Variants in FKBP15 observed in about 807,000 individuals in gnomAD.
FKBP15 encodes FKBP prolyl isomerase family member 15, also known as FK506-binding protein 15.
In FKBP15, 106 loss-of-function variants were observed where a neutral mutation model predicts 158.1. The observed-to-expected ratio is 0.67, with a 90% CI of 0.57 to 0.79. The LOEUF (loss-of-function observed/expected upper bound fraction) is 0.79. Ranked by LOEUF, FKBP15 falls within the 30% of genes least tolerant of loss-of-function variation. The pLI, the probability that FKBP15 is intolerant of heterozygous loss-of-function variation, is 0.00. For synonymous variants in FKBP15, 547 were observed against 548.6 expected, an observed-to-expected ratio of 1.00 and a Z score of 0.04; for missense variants, 1,287 against 1,479.1, an observed-to-expected ratio of 0.87 and a Z score of 2.13.
At position 113,169,304 on chromosome 9, in the gene FKBP15, G is replaced by A. The variant is rs1214045936; in HGVS notation, c.3405C>T (p.His1135=). 1.2e-6 allele frequency: 2 copies of A among 1,613,950 alleles called. No homozygotes were observed. Among genetic ancestry groups the A allele is most frequent in the Non-Finnish European group, 1.7e-6 (2 of 1,179,910 alleles). ...CTGCCTCTGTGCTTGACAGCTCCTT[G>A]TGGGGACCGGTGGAGCTAGTGACAT... is the stretch of plus-strand genomic sequence containing the variant. ...KDDVTSSTGP[H]KELSSTEAGS... Residue 1135 remains histidine, a synonymous_variant, in exon 26 of 28, where the codon CAC becomes CAT. Transcript: ENST00000238256.
chr9:113,174,693 A>C, intron 21 of FKBP15, 110 bp from the exon 22 acceptor site: 1 of 1,173,944 alleles, frequency 8.5e-7, no homozygotes, highest in Non-Finnish European at 1.1e-6. Context: ...ATTTCTGAAA[A>C]CTCCATTTTT....
At chr9:113,168,658 C>T (rs899941115) in intron 26 of FKBP15, 102 bp from the exon 27 acceptor site, 4 of 937,012 alleles carry the variant, frequency 4.3e-6, no homozygotes, top group Non-Finnish European at 6.6e-6. Context: ...AATTCAACAG[C>T]GTTGGTGACT....
Position 113,165,995 on chromosome 9 carries a change from T to C in FKBP15, c.*83A>G, listed in dbSNP as rs3810908. ...TGCTCACCTTGACCTCACCCTGTGGTTCGCCTAGACCCAGGGTTGGCTGTG... is the reference window on the plus strand; with the variant it reads ...TGCTCACCTTGACCTCACCCTGTGGCTCGCCTAGACCCAGGGTTGGCTGTG... On this transcript the variant is annotated 3_prime_UTR_variant, in exon 28 of 28. Transcript: ENST00000238256. The C allele has an allele frequency of 0.82, 1,120,079 of 1,357,738 alleles. 462,919 individuals carry two copies. Among genetic ancestry groups the C allele is most frequent in the East Asian group, 0.88 (35,560 of 40,186 alleles). The allele number at this position is 1,357,738 out of a possible 1,614,324, so 84.1% of individuals were successfully genotyped here.
chr9:113,221,092 G>T, intron 1 of FKBP15, 99 bp downstream of exon 1: 2 of 1,315,572 alleles, frequency 1.5e-6, no homozygotes, highest in South Asian at 1.4e-5. Flanking sequence ...GTCTCCCCCC[G>T]GAAGTTGGGA....
At chr9:113,215,427 C>T (rs748163853) in intron 1 of FKBP15, among the ~76,000 whole-genome samples, 8 of 150,796 alleles carry the variant, frequency 5.3e-5, no homozygotes, top group Admixed American at 1.3e-4. Flanking sequence ...ACATACACAA[C>T]ATTTATCAAT....
At chr9:113,199,744 G>A in intron 7 of FKBP15, 70 bp downstream of exon 7, 1 of 1,469,432 alleles carries the variant, frequency 6.8e-7, no homozygotes, top group Non-Finnish European at 9.2e-7. Context: ...CACAGTAATA[G>A]TATCTTCCCT....
intron 3 of FKBP15, chr9:113,206,782 T>A (rs1830897556): frequency 2.0e-6 from 1 of 512,672 alleles, no homozygotes; most frequent in Non-Finnish European, 3.4e-6. Context: ...AGTGACATGA[T>A]CTTGGCTCAC....
At chr9:113,181,092 A>G (rs1030363387) in intron 19 of FKBP15, among the ~76,000 whole-genome samples, 2 of 152,224 alleles carry the variant, frequency 1.3e-5, no homozygotes, top group Non-Finnish European at 2.9e-5. Flanking sequence ...CATCCCAGTC[A>G]TATGCATCAA....
Position 113,161,875 on chromosome 9 carries a change from C to G in FKBP15, c.*4203G>C, listed in dbSNP as rs866990308. 1.1e-5 allele frequency: 8 copies of G among 730,882 alleles called. 1 individual carries two copies. In the Middle Eastern group the frequency reaches 1.4e-3, roughly 125 times the overall value. 45.3% of individuals were successfully genotyped at this position (730,882 alleles called of 1,614,324 possible). On this transcript the variant is annotated 3_prime_UTR_variant, in exon 28 of 28. Coordinates refer to ENST00000238256, the MANE Select transcript of FKBP15 (RefSeq NM_015258.2). ...GAACTAGAGCTCATGTCTCCTGATG[C>G]CCAGGCCAAAGCACTCTGTGAACAG...
At chr9:113,216,819 T>A (rs979302660) in intron 1 of FKBP15, among the ~76,000 whole-genome samples, 1 of 152,084 alleles carries the variant, frequency 6.6e-6, no homozygotes, top group Non-Finnish European at 1.5e-5. Context: ...TTTCCATAGA[T>A]GTTCTAAAGA....
rs766908734 is a variant in FKBP15 at position 113,170,621 on chromosome 9, C to A, written c.2667G>T (p.Lys889Asn). 3 of 1,611,180 alleles carry A rather than the reference C, an allele frequency of 1.9e-6. No individual in the cohort carries two copies. The highest frequency in any genetic ancestry group is 1.6e-4 in the Middle Eastern group (1 of 6,072). The change falls in exon 25 of 28, where the codon AAG (lysine) becomes AAT (asparagine). Residue 889 changes from lysine (K) to asparagine (N), a missense_variant. By Grantham distance (94) the Lys-to-Asn change is moderately conservative. Transcript: ENST00000238256. ...AASDPSEKVK[K>N]IMNQVFQSLR... ...AGGACTGGAACACCTGGTTCATGAT[C>A]TTCTTGACCTGTGTGAACATCAAAA...
chr9:113,172,683 A>G lies in FKBP15; in HGVS notation c.2532+770T>C, dbSNP rs560184400. Among the ~76,000 whole-genome samples, 6 of 152,340 alleles carry G rather than the reference A, an allele frequency of 3.9e-5. No individual in the cohort carries two copies. The East Asian group carries it at 1.2e-3, about 29-fold the overall frequency. On this transcript the variant is annotated intron_variant, in intron 23 of 27. Transcript: ENST00000238256. ...CCTTGTTCCCAATCAGGTAAAAAAT[A>G]TAATGAAAAAAGAGCAGGAGGGTAG...
At chr9:113,218,122 T>C (rs1354780867) in intron 1 of FKBP15, among the ~76,000 whole-genome samples, 1 of 152,034 alleles carries the variant, frequency 6.6e-6, no homozygotes, top group Non-Finnish European at 1.5e-5. Context: ...TGTATCAATG[T>C]ATTTTAATAA....
intron 27 of FKBP15, among the ~76,000 whole-genome samples, chr9:113,167,539 G>A (rs1368189547): frequency 6.6e-6 from 1 of 152,112 alleles, no homozygotes; most frequent in African/African-American, 2.4e-5. Flanking sequence ...AGGAACACAG[G>A]CAAGAGGGAA....
rs541704825 is a variant in FKBP15 at position 113,184,575 on chromosome 9, T to C, written c.1608+120A>G. On this transcript the variant is annotated intron_variant, in intron 16 of 27. Coordinates refer to ENST00000238256, the MANE Select transcript of FKBP15 (RefSeq NM_015258.2). The surrounding 1 kb of genome is among the most constrained non-coding windows in gnomAD (Gnocchi z 4.5). Reference sequence around the variant, plus strand: ...CCCAACATAATTATAACTATCCTTGTAGGGAAATAACCTCTCACTACTACC... The same window carrying C: ...CCCAACATAATTATAACTATCCTTGCAGGGAAATAACCTCTCACTACTACC... 2.1e-6 allele frequency: 2 copies of C among 945,770 alleles called. No homozygotes were observed. Among genetic ancestry groups the C allele is most frequent in the African/African-American group, 1.6e-5 (1 of 60,856 alleles). 58.6% of individuals were successfully genotyped at this position (945,770 alleles called of 1,614,324 possible). A position where few individuals can be genotyped will look rare whatever the true frequency, so the allele number is the denominator to read the frequency against.
chr9:113,198,235 G>A lies in FKBP15; in HGVS notation c.717+620C>T, dbSNP rs1211401054. The stretch of plus-strand genomic sequence containing the variant: ...GATTCAACCCTTTATGATAAGTTTC[G>A]AGAAGAAACTGTCTCACTTTTTCCC... On this transcript the variant is annotated intron_variant, in intron 8 of 27. Coordinates refer to ENST00000238256, the MANE Select transcript of FKBP15 (RefSeq NM_015258.2). This position sits in a 1 kb window ranked among gnomAD's most constrained non-coding sequence, Gnocchi z 5.2. 2.0e-5 allele frequency among the ~76,000 whole-genome samples: 3 copies of A among 152,094 alleles called. No individual in the cohort carries two copies. Among genetic ancestry groups the A allele is most frequent in the Non-Finnish European group, 4.4e-5 (3 of 68,014 alleles).
chr9:113,210,703 G>C (rs1830984656), intron 2 of FKBP15, among the ~76,000 whole-genome samples: 1 of 152,148 alleles, frequency 6.6e-6, no homozygotes, highest in South Asian at 2.1e-4. Context: ...TGAGTCAGTG[G>C]ACTGGGAAAG....
chr9:113,189,546 GA>G (rs1280989322), intron 12 of FKBP15, among the ~76,000 whole-genome samples: 1 of 151,736 alleles, frequency 6.6e-6, no homozygotes, highest in African/African-American at 2.4e-5. Context: ...TTCCAGACCA[GA>G]AAAAAATAAT....
intron 1 of FKBP15, among the ~76,000 whole-genome samples, chr9:113,215,683 T>G (rs1250046740): frequency 1.5e-5 from 2 of 132,392 alleles, no homozygotes; most frequent in African/African-American, 5.6e-5. Context: ...GCAGTCTCAC[T>G]CTGTCGCCCA....
Sources: allele counts gnomAD v4.1 joint callset (sites outside exome capture counted in the v4.1 genomes callset), GRCh38; gene constraint gnomAD v4.1.1; non-coding constraint Gnocchi (gnomAD v3.1); transcripts MANE v1.5; gene names NCBI Gene and HGNC (gene_info 2026-07-23, HGNC 2026-07-21).